PIAS1: variants seen among roughly 807,000 people sequenced by gnomAD.
The protein encoded by PIAS1 is E3 SUMO-protein ligase PIAS1.
In PIAS1, 6 loss-of-function variants were observed where a neutral mutation model predicts 71.3. The observed-to-expected ratio is 0.08, with a 90% CI of 0.05 to 0.17. The LOEUF (loss-of-function observed/expected upper bound fraction) is 0.17, where lower values mean the gene tolerates loss of function less well. Among genes scored for constraint, PIAS1 ranks in the 10% least tolerant of loss-of-function variants. The pLI, the probability that PIAS1 is intolerant of heterozygous loss-of-function variation, is 1.00. For synonymous variants in PIAS1, 303 were observed against 292.9 expected (o/e 1.03, Z -0.35); for missense variants, 555 against 793.6 (o/e 0.70, Z 3.61).
At chr15:68,164,940 A>G in intron 8 of PIAS1, 136 bp downstream of exon 8, 1 of 572,834 alleles carries the variant, frequency 1.7e-6, no homozygotes, top group East Asian at 2.8e-5. Context: ...GAAAAGTGGA[A>G]AGACATCTAG....
chr15:68,178,739 A>C lies in PIAS1; in HGVS notation c.1481+2085A>C, dbSNP rs571262488. On this transcript the variant is annotated intron_variant, in intron 11 of 13. Transcript: ENST00000249636. This position sits in a 1 kb window ranked among gnomAD's most constrained non-coding sequence, Gnocchi z 4.2. ...TATATATATTTGTTCTGTTCTTTAGACTATTAATAGTAATATGTATTTATG... is the reference window on the plus strand; with the variant it reads ...TATATATATTTGTTCTGTTCTTTAGCCTATTAATAGTAATATGTATTTATG... Among the ~76,000 whole-genome samples, 272 of 152,160 alleles carry C rather than the reference A, an allele frequency of 1.8e-3. No individual in the cohort carries two copies. The highest frequency in any genetic ancestry group is 3.3e-3 in the Non-Finnish European group (223 of 68,014).
At chr15:68,113,156 A>C (rs1294468344) in intron 2 of PIAS1, among the ~76,000 whole-genome samples, 1 of 152,158 alleles carries the variant, frequency 6.6e-6, no homozygotes, top group Non-Finnish European at 1.5e-5. Flanking sequence ...ATTCAATGCA[A>C]ATTTTGTGGG....
intron 2 of PIAS1, among the ~76,000 whole-genome samples, chr15:68,132,708 A>G (rs771947234): frequency 5.3e-5 from 8 of 152,164 alleles, no homozygotes; most frequent in Non-Finnish European, 1.0e-4. Context: ...GTTAAGTTCA[A>G]TTTGAGTGGC....
chr15:68,075,294 C>T (rs574166896), intron 1 of PIAS1, among the ~76,000 whole-genome samples: 4 of 151,968 alleles, frequency 2.6e-5, no homozygotes, highest in African/African-American at 9.6e-5. Flanking sequence ...CCATGCTGGC[C>T]AGGCTGGTCT....
chr15:68,193,820 A>G lies in PIAS1; in HGVS notation c.*5985A>G. 1 of 555,242 alleles carries G rather than the reference A, an allele frequency of 1.8e-6. No homozygotes were observed. 34.4% of individuals were successfully genotyped at this position (555,242 alleles called of 1,614,324 possible). On this transcript the variant is annotated 3_prime_UTR_variant, in exon 14 of 14. Transcript: ENST00000249636. ...ACGGTAGTTAATAAAATCAATACAA[A>G]TCTTTTATTAAAGATCTACTCATAC...
At chr15:68,181,145 CCT>C in intron 11 of PIAS1, 65 bp from the exon 12 acceptor site, 2 of 1,418,012 alleles carry the variant, frequency 1.4e-6, no homozygotes, top group Non-Finnish European at 2.0e-6. Flanking sequence ...AGATACAACC[CCT>C]TTTTTTGTTA....
In PIAS1 at chr15:68,192,024, A is replaced by G. The variant is rs1261886933; in HGVS notation, c.*4189A>G. 2 of 152,258 alleles carry G rather than the reference A, an allele frequency of 1.3e-5. No individual in the cohort carries two copies. Among genetic ancestry groups the G allele is most frequent in the Non-Finnish European group, 2.9e-5 (2 of 68,044 alleles). 9.4% of individuals were successfully genotyped at this position (152,258 alleles called of 1,614,324 possible). A position where few individuals can be genotyped will look rare whatever the true frequency, so the allele number is the denominator to read the frequency against. ...CTTGCTTTAAAACCATACTGGGACTATTCAGTGATAAATATAGACATAGAA... is the reference window on the plus strand; with the variant it reads ...CTTGCTTTAAAACCATACTGGGACTGTTCAGTGATAAATATAGACATAGAA... On this transcript the variant is annotated 3_prime_UTR_variant, in exon 14 of 14. Coordinates refer to ENST00000249636, the MANE Select transcript of PIAS1 (RefSeq NM_016166.3).
intron 7 of PIAS1, 77 bp from the exon 8 acceptor site, chr15:68,164,654 C>G: frequency 2.7e-6 from 2 of 752,614 alleles, no homozygotes; most frequent in South Asian, 3.5e-5. Flanking sequence ...GCTTTTTATT[C>G]TTTATAGTAA....
At chr15:68,177,338 T>G (rs2093026987) in intron 11 of PIAS1, among the ~76,000 whole-genome samples, 1 of 148,540 alleles carries the variant, frequency 6.7e-6, no homozygotes, top group African/African-American at 2.5e-5. Flanking sequence ...TCCCAGGTGA[T>G]CCTGCTCCTG....
chr15:68,105,984 A>C (rs2092465095), intron 2 of PIAS1, among the ~76,000 whole-genome samples: 1 of 152,056 alleles, frequency 6.6e-6, no homozygotes, highest in Admixed American at 6.5e-5. Context: ...TCACATAAAC[A>C]TTTTACCATT....
At chr15:68,183,745 C>A in intron 13 of PIAS1, 78 bp downstream of exon 13, 2 of 625,426 alleles carry the variant, frequency 3.2e-6, no homozygotes, top group South Asian at 3.5e-5. Flanking sequence ...ACATTTTGGT[C>A]AATGACAGGC....
At chr15:68,156,027 GTT>G (rs2141066579) in intron 7 of PIAS1, among the ~76,000 whole-genome samples, 1 of 152,126 alleles carries the variant, frequency 6.6e-6, no homozygotes, top group African/African-American at 2.4e-5. Flanking sequence ...GCTTTATTTT[GTT>G]CAGTGTCAAG....
intron 1 of PIAS1, among the ~76,000 whole-genome samples, chr15:68,074,676 C>T (rs2092138441): frequency 6.6e-6 from 1 of 152,126 alleles, no homozygotes; most frequent in Non-Finnish European, 1.5e-5. Flanking sequence ...AAAACCATAA[C>T]CACAGATCAT....
chr15:68,057,831 C>A (rs1383274711), intron 1 of PIAS1, among the ~76,000 whole-genome samples: 1 of 152,188 alleles, frequency 6.6e-6, no homozygotes, highest in African/African-American at 2.4e-5. Flanking sequence ...TTATAAAATA[C>A]TACGTATAGT....
intron 2 of PIAS1, among the ~76,000 whole-genome samples, chr15:68,092,301 A>C (rs901255477): frequency 1.3e-5 from 2 of 151,862 alleles, no homozygotes; most frequent in Non-Finnish European, 1.5e-5. Flanking sequence ...CCTCCTGAGT[A>C]GCTGGGACGA....
chr15:68,153,884 T>G, intron 7 of PIAS1, 189 bp downstream of exon 7: 1 of 382,250 alleles, frequency 2.6e-6, no homozygotes, highest in Non-Finnish European at 4.7e-6. Context: ...TAAAATTAAC[T>G]TTGTGAAGTC....
intron 1 of PIAS1, among the ~76,000 whole-genome samples, chr15:68,059,726 A>AG (rs958985431): frequency 3.3e-5 from 5 of 151,902 alleles, no homozygotes; most frequent in Admixed American, 2.6e-4. Context: ...AAAAAAAAAA[A>AG]AAAAGAAAGC....
chr15:68,064,962 C>G (rs1414720872), intron 1 of PIAS1, among the ~76,000 whole-genome samples: 1 of 151,988 alleles, frequency 6.6e-6, no homozygotes, highest in Non-Finnish European at 1.5e-5. Flanking sequence ...CCAGGCTGGT[C>G]TCGAAGTCGG....
chr15:68,149,326 CT>C (rs562772014), intron 6 of PIAS1, among the ~76,000 whole-genome samples: 6,475 of 127,520 alleles, frequency 0.051, 260 homozygotes, highest in African/African-American at 0.13. Flanking sequence ...TCCTGCATTA[CT>C]TTTTTTTTTT....
Sources: gnomAD v4.1 joint callset for allele counts (sites outside exome capture counted in the v4.1 genomes callset) on GRCh38, gnomAD v4.1.1 for gene constraint, Gnocchi (gnomAD v3.1) non-coding constraint, MANE v1.5 for transcripts, NCBI Gene and HGNC (gene_info 2026-07-23, HGNC 2026-07-21) for gene names.